Variants in SDK1 observed in about 807,000 individuals in gnomAD.
SDK1 encodes the protein sidekick cell adhesion molecule 1.
Under a neutral mutation model 245.5 loss-of-function variants are expected in SDK1, and 157 were observed. The ratio of observed to expected loss-of-function variants is 0.64; its 90% CI spans 0.56 to 0.73. The LOEUF (loss-of-function observed/expected upper bound fraction) is 0.73. Among genes scored for constraint, SDK1 ranks in the 30% least tolerant of loss-of-function variants. The probability of loss-of-function intolerance (pLI) is 0.00; values close to 1 mark genes in which losing one functional copy is unlikely to be tolerated. For missense variants in SDK1, 3,583 were observed against 3,002.3 expected (o/e 1.19, Z -4.52); for synonymous variants, 1,647 against 1,278.5 (o/e 1.29, Z -6.15).
intron 1 of SDK1, among the ~76,000 whole-genome samples, chr7:3,425,759 C>G (rs1779658628): frequency 1.3e-5 from 2 of 152,194 alleles, no homozygotes; most frequent in African/African-American, 2.4e-5. Flanking sequence ...CATTTGAAGA[C>G]TAACAGCCTT....
At chr7:4,201,078 CT>C (rs1297770661) in intron 35 of SDK1, among the ~76,000 whole-genome samples, 2 of 152,204 alleles carry the variant, frequency 1.3e-5, no homozygotes, top group African/African-American at 4.8e-5. Flanking sequence ...TCCTTTGTTC[CT>C]AGGGCTATGC....
intron 4 of SDK1, among the ~76,000 whole-genome samples, chr7:3,812,612 A>C (rs768870162): frequency 2.0e-5 from 3 of 152,230 alleles, no homozygotes; most frequent in Non-Finnish European, 2.9e-5. Flanking sequence ...AATGTTTTTC[A>C]AGGCATGGGC....
chr7:4,081,594 T>A (rs973868421), intron 22 of SDK1, among the ~76,000 whole-genome samples: 1 of 151,972 alleles, frequency 6.6e-6, no homozygotes, highest in Admixed American at 6.6e-5. Context: ...CAATTTTTTG[T>A]ATTTTAGTAG....
At chr7:3,905,062 A>G (rs1325636029) in intron 5 of SDK1, among the ~76,000 whole-genome samples, 1 of 151,936 alleles carries the variant, frequency 6.6e-6, no homozygotes, top group Non-Finnish European at 1.5e-5. Context: ...AACTTTTATG[A>G]TATATGAATT....
At chr7:4,049,610 C>G in intron 18 of SDK1, 147 bp downstream of exon 18, 1 of 621,602 alleles carries the variant, frequency 1.6e-6, no homozygotes, top group Admixed American at 2.7e-5. Context: ...CACCATTTAT[C>G]CAAAGTCTTG....
chr7:4,151,674 G>A (rs956600708), intron 30 of SDK1, among the ~76,000 whole-genome samples: 1 of 152,104 alleles, frequency 6.6e-6, no homozygotes, highest in Non-Finnish European at 1.5e-5. Context: ...CCCTCATCCT[G>A]TCTAGCACCT....
chr7:3,321,701 TCCTCC>T (rs1779807272), intron 1 of SDK1, among the ~76,000 whole-genome samples: 2 of 90,694 alleles, frequency 2.2e-5, no homozygotes, highest in South Asian at 8.5e-4. Flanking sequence ...CTTCTCCTCC[TCCTCC>T]TCCCCCTCCC....
At chr7:3,584,825 G>A (rs972137631) in intron 1 of SDK1, among the ~76,000 whole-genome samples, 14 of 151,764 alleles carry the variant, frequency 9.2e-5, no homozygotes, top group Non-Finnish European at 1.3e-4. Context: ...CCGGGTTCAC[G>A]CCGTTCTGCT....
At position 3,940,833 on chromosome 7, in the gene SDK1, A is replaced by T. The variant is rs932933642; in HGVS notation, c.848-10090A>T. On this transcript the variant is annotated intron_variant, in intron 5 of 44. Coordinates refer to ENST00000404826, the MANE Select transcript of SDK1 (RefSeq NM_152744.4). ...TAATAATAATAATAGTAAATTAATTAAAAAAATAAAGGTCAGTGCTCCCTG... is the reference window on the plus strand; with the variant it reads ...TAATAATAATAATAGTAAATTAATTTAAAAAATAAAGGTCAGTGCTCCCTG... 2.0e-5 allele frequency among the ~76,000 whole-genome samples: 3 copies of T among 152,082 alleles called. No individual in the cohort carries two copies. The South Asian group carries it at 6.2e-4, about 32-fold the overall frequency.
In SDK1 at chr7:3,909,054, G is replaced by A. The variant is rs76810231; in HGVS notation, c.848-41869G>A. 9.2e-5 allele frequency among the ~76,000 whole-genome samples: 14 copies of A among 152,290 alleles called. No individual in the cohort carries two copies. The East Asian group carries it at 9.7e-4, about 11-fold the overall frequency. On this transcript the variant is annotated intron_variant, in intron 5 of 44. Transcript: ENST00000404826. Reference sequence around the variant, plus strand: ...TGAGGAAGACAGCCCCTCTGGCTGTGCCTTTTGGCCCCCTTTTCTCTCAGT... The same window carrying A: ...TGAGGAAGACAGCCCCTCTGGCTGTACCTTTTGGCCCCCTTTTCTCTCAGT...
At chr7:4,241,224 CCTTT>C (rs1786499284) in intron 42 of SDK1, among the ~76,000 whole-genome samples, 1 of 152,134 alleles carries the variant, frequency 6.6e-6, no homozygotes, top group Admixed American at 6.5e-5. Flanking sequence ...AGCTCTGTAC[CCTTT>C]CTTTAGCCGT....
chr7:3,331,691 T>G (rs1269422914), intron 1 of SDK1, among the ~76,000 whole-genome samples: 1 of 152,210 alleles, frequency 6.6e-6, no homozygotes, highest in Non-Finnish European at 1.5e-5. Context: ...ATGAATTTGC[T>G]TGGTGAAACA....
At chr7:3,737,661 A>G (rs915559559) in intron 4 of SDK1, among the ~76,000 whole-genome samples, 2 of 152,186 alleles carry the variant, frequency 1.3e-5, no homozygotes, top group Admixed American at 6.5e-5. Context: ...TACACGAGCT[A>G]GTTGCTTTGA....
chr7:3,855,338 G>A (rs143971940), intron 5 of SDK1, among the ~76,000 whole-genome samples: 1 of 151,958 alleles, frequency 6.6e-6, no homozygotes, highest in African/African-American at 2.4e-5. Context: ...GCAAGGAAAT[G>A]CTGAATAGAA....
chr7:3,688,899 G>A (rs1784364099), intron 4 of SDK1, among the ~76,000 whole-genome samples: 1 of 152,134 alleles, frequency 6.6e-6, no homozygotes, highest in Admixed American at 6.5e-5. Flanking sequence ...ACAGCACTGT[G>A]AGCTCCCTCC....
At chr7:4,145,481 C>T (rs140351739) in intron 28 of SDK1, among the ~76,000 whole-genome samples, 38 of 152,232 alleles carry the variant, frequency 2.5e-4, no homozygotes, top group South Asian at 1.9e-3. Context: ...AAGATGAACC[C>T]GTGTTCACAC....
At chr7:3,376,592 A>AT in intron 1 of SDK1, among the ~76,000 whole-genome samples, 1 of 152,246 alleles carries the variant, frequency 6.6e-6, no homozygotes, top group South Asian at 2.1e-4. Context: ...CACAGAGGTG[A>AT]AAAAGACCGA....
At chr7:3,336,415 T>C (rs527266089) in intron 1 of SDK1, among the ~76,000 whole-genome samples, 9 of 152,050 alleles carry the variant, frequency 5.9e-5, no homozygotes, top group East Asian at 1.9e-4. Flanking sequence ...CAGGGTAGTG[T>C]CAGCAAGGCC....
intron 4 of SDK1, among the ~76,000 whole-genome samples, chr7:3,794,282 G>C (rs778774840): frequency 3.9e-5 from 6 of 152,050 alleles, no homozygotes; most frequent in Non-Finnish European, 7.3e-5. Flanking sequence ...CACAGACACT[G>C]ACCTGAACTT....
Sources: allele counts gnomAD v4.1 joint callset (sites outside exome capture counted in the v4.1 genomes callset), GRCh38; gene constraint gnomAD v4.1.1; transcripts MANE v1.5; gene names NCBI Gene and HGNC (gene_info 2026-07-23, HGNC 2026-07-21).